The following ANKRD30A variants were observed in gnomAD, a reference collection of about 807,000 sequenced individuals.
ANKRD30A encodes ankyrin repeat domain 30A.
Under a neutral mutation model 166.3 loss-of-function variants are expected in ANKRD30A, and 170 were observed. That is an observed-to-expected ratio of 1.02 (90% CI 0.90 to 1.16). The LOEUF is 1.16. ANKRD30A is among the 50% of genes most tolerant of loss of function. The pLI is 0.00. For synonymous variants in ANKRD30A, 564 were observed against 508.9 expected, an observed-to-expected ratio of 1.11 and a Z score of -1.46; for missense variants, 1,630 against 1,518.0, an observed-to-expected ratio of 1.07 and a Z score of -1.23.
chr10:37,232,654 T>TTATATTTATATATATATATATATATA (rs1554832840), downstream of ANKRD30A: 1 of 54,202 alleles, frequency 1.8e-5, no homozygotes, highest in African/African-American at 6.9e-5. Flanking sequence ...AGCATTGGTT[T>TTATATTTATATATATATATATATATA]TATATATATA....
downstream of ANKRD30A, among the ~76,000 whole-genome samples, chr10:37,233,913 A>G (rs1843555591): frequency 6.6e-6 from 1 of 152,216 alleles, no homozygotes; most frequent in Non-Finnish European, 1.5e-5. Flanking sequence ...ATGTTAAAAT[A>G]TCTAATCTAA....
chr10:37,231,348 A>G (rs774323821), intron 34 of ANKRD30A, 113 bp from the exon 35 acceptor site: 120 of 781,078 alleles, frequency 1.5e-4, no homozygotes, highest in Non-Finnish European at 2.2e-4. Context: ...GCACGGCTTA[A>G]TGGGAAATGT....
At chr10:37,141,572 CAAAA>C (rs909714989) in intron 6 of ANKRD30A, 142 bp from the exon 7 acceptor site, 1,818 of 755,684 alleles carry the variant, frequency 2.4e-3, no homozygotes, top group East Asian at 2.9e-3. Context: ...GACTCTGTCT[CAAAA>C]AAAAAAAAAA....
At chr10:37,252,689 T>A in the ANKRD30A span, among the ~76,000 whole-genome samples, 1 of 152,118 alleles carries the variant, frequency 6.6e-6, no homozygotes, top group African/African-American at 2.4e-5. Flanking sequence ...ACAGTTTTTT[T>A]TTTTTTACTA....
the ANKRD30A span, among the ~76,000 whole-genome samples, chr10:37,264,084 T>G: frequency 6.6e-6 from 1 of 152,146 alleles, no homozygotes; most frequent in Admixed American, 6.5e-5. Flanking sequence ...AGATTTTTTT[T>G]AAAAACAGTT....
chr10:37,131,887 A>G (rs560023049), intron 3 of ANKRD30A, among the ~76,000 whole-genome samples: 1 of 152,324 alleles, frequency 6.6e-6, no homozygotes, highest in African/African-American at 2.4e-5. Flanking sequence ...AAATTAGAAT[A>G]CTACTTTAGT....
downstream of ANKRD30A, among the ~76,000 whole-genome samples, chr10:37,234,320 AT>A (rs1381545925): frequency 3.3e-5 from 5 of 152,208 alleles, no homozygotes; most frequent in Admixed American, 1.3e-4. Context: ...AAATTATATT[AT>A]AAAATTCAAA....
At chr10:37,213,372 C>T (rs141129790) in intron 31 of ANKRD30A, among the ~76,000 whole-genome samples, 39 of 151,784 alleles carry the variant, frequency 2.6e-4, no homozygotes, top group African/African-American at 9.4e-4. Context: ...GGGCATTAAT[C>T]CATTTATGAA....
intron 5 of ANKRD30A, among the ~76,000 whole-genome samples, chr10:37,134,671 T>G (rs2132515774): frequency 6.6e-6 from 1 of 152,346 alleles, no homozygotes; most frequent in African/African-American, 2.4e-5. Context: ...CAGCTAGAAC[T>G]TTTAGCTTTA....
At position 37,226,809 on chromosome 10, in the gene ANKRD30A, T is replaced by A. The variant is rs531060909; in HGVS notation, c.4186-4652T>A. Among the ~76,000 whole-genome samples the A allele has an allele frequency of 5.2e-4, 79 of 151,202 alleles. 1 individual carries two copies. The highest frequency in any genetic ancestry group is 1.1e-3 in the Admixed American group (17 of 15,076). On this transcript the variant is annotated intron_variant, in intron 34 of 35. Transcript: ENST00000361713. ...CAGCTATACCATTTTTCATTAGCAG[T>A]ATGAGGGTTCTAATTTCTCCACATT...
chr10:37,132,106 G>T (rs1316433491), intron 3 of ANKRD30A, 134 bp from the exon 4 acceptor site: 2 of 528,596 alleles, frequency 3.8e-6, no homozygotes, highest in East Asian at 7.1e-5. Flanking sequence ...GCACAGAAAA[G>T]GGAGAAAGAA....
At chr10:37,172,084 G>A (rs1351437406) in intron 21 of ANKRD30A, among the ~76,000 whole-genome samples, 2 of 139,434 alleles carry the variant, frequency 1.4e-5, no homozygotes, top group African/African-American at 2.8e-5. Flanking sequence ...GGTGGCTCAC[G>A]TCTGTAATGC....
intron 24 of ANKRD30A, chr10:37,178,668 T>C (rs1414123276): frequency 1.5e-5 from 13 of 870,354 alleles, no homozygotes; most frequent in Non-Finnish European, 1.8e-5. Context: ...ATAGAAATTA[T>C]AGATGGAAGG....
At chr10:37,211,525 G>GTCTATC (rs1301437710) in intron 31 of ANKRD30A, among the ~76,000 whole-genome samples, 1 of 152,066 alleles carries the variant, frequency 6.6e-6, no homozygotes, top group African/African-American at 2.4e-5. Context: ...TCTTAATCCA[G>GTCTATC]TCTATCATTG....
the ANKRD30A span, among the ~76,000 whole-genome samples, chr10:37,247,836 C>T: frequency 6.8e-5 from 10 of 146,674 alleles, no homozygotes; most frequent in Non-Finnish European, 1.5e-4. Context: ...GAGCGGAGAT[C>T]GTGCCACTGT....
intron 24 of ANKRD30A, among the ~76,000 whole-genome samples, chr10:37,183,493 T>C (rs1413187464): frequency 2.0e-5 from 3 of 146,860 alleles, no homozygotes; most frequent in Non-Finnish European, 4.6e-5. Flanking sequence ...TCTGAGTCTT[T>C]TCTCTCTTTT....
At chr10:37,160,529 T>G (rs1232653546) in intron 15 of ANKRD30A, among the ~76,000 whole-genome samples, 3 of 152,210 alleles carry the variant, frequency 2.0e-5, no homozygotes, top group Non-Finnish European at 4.4e-5. Context: ...CATAAGGTTC[T>G]AAAGTGCCAA....
chr10:37,172,373 T>C (rs1325074068), intron 21 of ANKRD30A, among the ~76,000 whole-genome samples: 3 of 123,950 alleles, frequency 2.4e-5, no homozygotes, highest in Non-Finnish European at 5.2e-5. Context: ...ATTATATTGC[T>C]TTTATTTCTG....
chr10:37,149,445 C>T (rs1038710808), intron 9 of ANKRD30A, among the ~76,000 whole-genome samples: 19 of 152,010 alleles, frequency 1.2e-4, no homozygotes, highest in Admixed American at 2.6e-4. Context: ...CTTAACTGCA[C>T]GATCTATGAA....
Sources: allele counts gnomAD v4.1 joint callset (sites outside exome capture counted in the v4.1 genomes callset), GRCh38; gene constraint gnomAD v4.1.1; transcripts MANE v1.5; gene names NCBI Gene and HGNC (gene_info 2026-07-23, HGNC 2026-07-21).